The following OR9Q1 variants were observed in gnomAD, a reference collection of about 807,000 sequenced individuals.
OR9Q1 encodes olfactory receptor family 9 subfamily Q member 1.
For synonymous variants in OR9Q1, 153 were observed against 148.6 expected (o/e 1.03, Z -0.22); for missense variants, 374 against 378.8 (o/e 0.99, Z 0.11).
intron 1 of OR9Q1, among the ~76,000 whole-genome samples, chr11:58,052,825 GC>G (rs1218183008): frequency 4.6e-5 from 7 of 151,158 alleles, no homozygotes; most frequent in African/African-American, 1.5e-4. Flanking sequence ...AGACATTTAT[GC>G]AGCCAAAAAA....
chr11:58,033,162 G>A (rs1853060400), intron 1 of OR9Q1, among the ~76,000 whole-genome samples: 1 of 152,174 alleles, frequency 6.6e-6, no homozygotes, highest in African/African-American at 2.4e-5. Flanking sequence ...TGGTGAGAGT[G>A]CAAATTAGTT....
chr11:58,106,215 T>C (rs892525731), intron 2 of OR9Q1, among the ~76,000 whole-genome samples: 1 of 151,762 alleles, frequency 6.6e-6, no homozygotes, highest in African/African-American at 2.4e-5. Context: ...TATCTCATTG[T>C]AGTTTTGATT....
At chr11:58,055,253 A>T (rs1565062856) in intron 1 of OR9Q1, among the ~76,000 whole-genome samples, 1 of 152,100 alleles carries the variant, frequency 6.6e-6, no homozygotes, top group East Asian at 1.9e-4. Context: ...AACATAAAAA[A>T]CACTAAAAAG....
intron 2 of OR9Q1, among the ~76,000 whole-genome samples, chr11:58,083,997 T>C (rs1168078984): frequency 6.6e-6 from 1 of 151,936 alleles, no homozygotes; most frequent in African/African-American, 2.4e-5. Flanking sequence ...CTGTGAAGAA[T>C]GATGTTGATA....
chr11:58,086,174 A>G (rs1853631717), intron 2 of OR9Q1, among the ~76,000 whole-genome samples: 1 of 152,086 alleles, frequency 6.6e-6, no homozygotes, highest in Admixed American at 6.5e-5. Context: ...GCAAAAAACC[A>G]AATAACCCAA....
At chr11:58,105,417 A>C (rs923629614) in intron 2 of OR9Q1, among the ~76,000 whole-genome samples, 1 of 152,194 alleles carries the variant, frequency 6.6e-6, no homozygotes, top group Non-Finnish European at 1.5e-5. Flanking sequence ...CTTACATATA[A>C]AACCACGACC....
At chr11:58,096,150 CT>C (rs200291818) in intron 2 of OR9Q1, among the ~76,000 whole-genome samples, 3,258 of 136,382 alleles carry the variant, frequency 0.024, 126 homozygotes, top group African/African-American at 0.077. Flanking sequence ...CTTCCTTTCC[CT>C]TTTTTTTTTT....
intron 2 of OR9Q1, among the ~76,000 whole-genome samples, chr11:58,111,352 G>C (rs572238015): frequency 6.6e-6 from 1 of 152,232 alleles, no homozygotes; most frequent in East Asian, 1.9e-4. Context: ...CTTTTACTGT[G>C]ATTATTCTGT....
chr11:58,043,838 G>C (rs567580749), intron 1 of OR9Q1, among the ~76,000 whole-genome samples: 1 of 152,214 alleles, frequency 6.6e-6, no homozygotes, highest in South Asian at 2.1e-4. Context: ...TCTTTATTGA[G>C]AGATGAGCTG....
rs780824749 is a variant in OR9Q1, at chr11:58,179,528, C to T, written c.84C>T (p.Phe28=). 2 of 1,612,532 alleles carry T rather than the reference C, an allele frequency of 1.2e-6. 1 individual carries two copies. Among genetic ancestry groups the T allele is most frequent in the South Asian group, 2.2e-5 (2 of 90,766 alleles). The change falls in exon 3 of 3, where the codon TTC becomes TTT. Residue 28 remains phenylalanine (F), a synonymous_variant. Transcript: ENST00000335397. ...TEYPEWALPL[F]LLFLFMYLIT... ...ATCCTGAATGGGCACTCCCTCTCTTCCTCTTGTTTTTATTTATGTATCTCA... is the reference window on the plus strand; with the variant it reads ...ATCCTGAATGGGCACTCCCTCTCTTTCTCTTGTTTTTATTTATGTATCTCA...
chr11:58,114,925 C>T (rs1195062217), intron 2 of OR9Q1, among the ~76,000 whole-genome samples: 1 of 152,038 alleles, frequency 6.6e-6, no homozygotes, highest in African/African-American at 2.4e-5. Context: ...GCAGGTTGGT[C>T]TCATCTATTA....
At chr11:58,085,267 A>G (rs1347595405) in intron 2 of OR9Q1, among the ~76,000 whole-genome samples, 1 of 151,870 alleles carries the variant, frequency 6.6e-6, no homozygotes, top group East Asian at 1.9e-4. Context: ...ATAGACAATA[A>G]AAACTATTTA....
chr11:58,035,519 G>A (rs1349784892), intron 1 of OR9Q1, among the ~76,000 whole-genome samples: 1 of 152,160 alleles, frequency 6.6e-6, no homozygotes, highest in African/African-American at 2.4e-5. Flanking sequence ...TTACATGTAG[G>A]TAGATGCACT....
chr11:58,160,736 A>C (rs756280028), intron 2 of OR9Q1, among the ~76,000 whole-genome samples: 13 of 152,156 alleles, frequency 8.5e-5, no homozygotes, highest in Non-Finnish European at 1.6e-4. Context: ...GAATATGTGA[A>C]GTTTGAGATA....
At chr11:58,148,281 G>A (rs1314596459) in intron 2 of OR9Q1, among the ~76,000 whole-genome samples, 1 of 151,986 alleles carries the variant, frequency 6.6e-6, no homozygotes, top group Non-Finnish European at 1.5e-5. Context: ...CATACAACAC[G>A]TAATCTAGGG....
Position 58,177,755 on chromosome 11 carries a change from G to A in OR9Q1, c.-14-1676G>A, listed in dbSNP as rs372803946. Among the ~76,000 whole-genome samples, 110 of 152,288 alleles carry A rather than the reference G, an allele frequency of 7.2e-4. 4 individuals carry two copies. In the South Asian group the frequency reaches 0.021, roughly 28 times the overall value. On this transcript the variant is annotated intron_variant, in intron 2 of 2. Transcript: ENST00000335397. ...AATAAAAGTAATTCATTGAACATGT[G>A]TATAGCACATTTCCCTTTGCAAGGT...
intron 2 of OR9Q1, among the ~76,000 whole-genome samples, chr11:58,099,149 T>G (rs1243077255): frequency 6.6e-6 from 1 of 151,780 alleles, no homozygotes; most frequent in African/African-American, 2.4e-5. Context: ...AGTCTGCTGG[T>G]TTGGGATGTA....
At chr11:58,053,629 A>AAT (rs61128065) in intron 1 of OR9Q1, among the ~76,000 whole-genome samples, 1 of 98,934 alleles carries the variant, frequency 1.0e-5, no homozygotes, top group African/African-American at 3.4e-5. Context: ...ATATATATAA[A>AAT]ATATATATAT....
intron 2 of OR9Q1, among the ~76,000 whole-genome samples, chr11:58,114,079 G>T (rs1455555287): frequency 6.6e-6 from 1 of 152,120 alleles, no homozygotes; most frequent in Non-Finnish European, 1.5e-5. Flanking sequence ...TTATGCATAT[G>T]CTAGAAACCC....
Sources: gnomAD v4.1 joint callset for allele counts (sites outside exome capture counted in the v4.1 genomes callset) on GRCh38, gnomAD v4.1.1 for gene constraint, MANE v1.5 for transcripts, NCBI Gene and HGNC (gene_info 2026-07-23, HGNC 2026-07-21) for gene names.